TET1: variants seen among roughly 807,000 people sequenced by gnomAD.
TET1 encodes methylcytosine dioxygenase TET1.
TET1 carries 13 observed loss-of-function variants against 148.7 expected under a neutral mutation model. That is an observed-to-expected ratio of 0.09 (90% CI 0.06 to 0.14). TET1 has a LOEUF of 0.14. Among genes scored for constraint, TET1 ranks in the 10% least tolerant of loss-of-function variants. The probability of loss-of-function intolerance (pLI) is 1.00; values close to 1 mark genes in which losing one functional copy is unlikely to be tolerated. For synonymous variants in TET1, 907 were observed against 937.2 expected (o/e 0.97, Z 0.59); for missense variants, 2,182 against 2,553.8 (o/e 0.85, Z 3.14).
At chr10:68,682,161 C>T (rs1318710141) in intron 9 of TET1, among the ~76,000 whole-genome samples, 3 of 112,036 alleles carry the variant, frequency 2.7e-5, no homozygotes, top group South Asian at 3.2e-4. Flanking sequence ...AGTGCTGTGG[C>T]GCAATCTCAG....
intron 2 of TET1, among the ~76,000 whole-genome samples, chr10:68,580,163 G>C (rs533650479): frequency 2.0e-5 from 3 of 151,444 alleles, no homozygotes; most frequent in Non-Finnish European, 4.4e-5. Context: ...CCTCTCCTCA[G>C]GTGATCCACC....
At chr10:68,656,763 C>T (rs1428121404) in intron 6 of TET1, among the ~76,000 whole-genome samples, 8 of 152,098 alleles carry the variant, frequency 5.3e-5, no homozygotes, top group African/African-American at 1.7e-4. Flanking sequence ...AGGTGGCTCA[C>T]GCCTGTAATC....
chr10:68,630,689 C>A (rs1034510872), intron 3 of TET1, among the ~76,000 whole-genome samples: 1 of 152,090 alleles, frequency 6.6e-6, no homozygotes, highest in Non-Finnish European at 1.5e-5. Flanking sequence ...GGAGAAAGAT[C>A]TTGTCTTGAT....
At chr10:68,631,937 T>C (rs906963075) in intron 3 of TET1, among the ~76,000 whole-genome samples, 1 of 151,686 alleles carries the variant, frequency 6.6e-6, no homozygotes, top group African/African-American at 2.4e-5. Flanking sequence ...CTGATGGCCT[T>C]CTGCTTGGAG....
intron 1 of TET1, among the ~76,000 whole-genome samples, chr10:68,566,805 C>G (rs921039388): frequency 6.9e-6 from 1 of 144,520 alleles, no homozygotes. Context: ...ATAACTACCA[C>G]TTATTTTCTC....
intron 11 of TET1, among the ~76,000 whole-genome samples, chr10:68,690,434 T>C (rs998832517): frequency 6.6e-6 from 1 of 152,094 alleles, no homozygotes; most frequent in Admixed American, 6.6e-5. Flanking sequence ...GGTGAAACCC[T>C]GTCTCTACTA....
chr10:68,657,237 C>T (rs976421466), intron 6 of TET1, among the ~76,000 whole-genome samples: 8 of 151,818 alleles, frequency 5.3e-5, no homozygotes, highest in Non-Finnish European at 8.8e-5. Flanking sequence ...AGTGCAGTGG[C>T]GTGATCTCGG....
intron 3 of TET1, among the ~76,000 whole-genome samples, chr10:68,618,724 A>C (rs1188182205): frequency 6.6e-6 from 1 of 152,266 alleles, no homozygotes; most frequent in East Asian, 1.9e-4. Context: ...TCCTATGTAC[A>C]ACTGATAATC....
intron 3 of TET1, among the ~76,000 whole-genome samples, chr10:68,616,443 A>G (rs537274406): frequency 2.0e-5 from 3 of 152,366 alleles, no homozygotes; most frequent in East Asian, 1.9e-4. Context: ...ACACATGTCA[A>G]TTTGTGACCT....
intron 11 of TET1, among the ~76,000 whole-genome samples, chr10:68,688,167 G>T (rs2055540883): frequency 2.0e-5 from 3 of 151,976 alleles, no homozygotes; most frequent in African/African-American, 7.3e-5. Flanking sequence ...CACCATCTTG[G>T]CTCACTGTAA....
intron 3 of TET1, among the ~76,000 whole-genome samples, chr10:68,642,636 C>T (rs2054775172): frequency 6.6e-6 from 1 of 151,942 alleles, no homozygotes; most frequent in Non-Finnish European, 1.5e-5. Context: ...TGGAGTTTCA[C>T]TCCTATTGCC....
At chr10:68,652,457 T>C (rs1468189190) in intron 5 of TET1, 44 bp from the exon 6 acceptor site, 3 of 1,412,428 alleles carry the variant, frequency 2.1e-6, no homozygotes, top group East Asian at 2.3e-5. Context: ...CAAGTACAGA[T>C]TGCAATTAAT....
At chr10:68,613,735 G>C (rs531391338) in intron 3 of TET1, among the ~76,000 whole-genome samples, 2 of 152,076 alleles carry the variant, frequency 1.3e-5, no homozygotes, top group Non-Finnish European at 2.9e-5. Flanking sequence ...TCAGGAGTTC[G>C]AGACCAGCCT....
chr10:68,622,182 CTT>C (rs2054381814), intron 3 of TET1, among the ~76,000 whole-genome samples: 1 of 101,632 alleles, frequency 9.8e-6, no homozygotes, highest in Non-Finnish European at 2.0e-5. Flanking sequence ...TCCTTCCTTC[CTT>C]CCTTCCTTCC....
At position 68,686,655 on chromosome 10, in the gene TET1, G is replaced by T. The variant is rs1454252323; in HGVS notation, c.5352G>T (p.Lys1784Asn). The part of the protein sequence containing the change: ...EKKPIPRIKR[K>N]NNSTTTNNSK... ...AACCTATTCCCCGAATCAAGCGGAA[G>T]AATAACTCAACAACAACAAACAACA... Residue 1784 changes from lysine (K) to asparagine (N), a missense_variant, in exon 11 of 12, where the codon AAG (lysine) becomes AAT (asparagine). Physicochemically the swap from Lys to Asn is moderately conservative, Grantham distance 94. Around this residue, in one of 11 missense-constraint regions of TET1, gnomAD observed 380 missense variants for 387.9 expected, o/e 0.98. Transcript: ENST00000373644. 9 of 1,614,136 alleles carry T rather than the reference G, an allele frequency of 5.6e-6. No homozygotes were observed. Among genetic ancestry groups the T allele is most frequent in the Admixed American group, 1.7e-5 (1 of 59,998 alleles).
chr10:68,689,719 C>T (rs1481187923), intron 11 of TET1, among the ~76,000 whole-genome samples: 2 of 151,276 alleles, frequency 1.3e-5, no homozygotes, highest in African/African-American at 4.9e-5. Flanking sequence ...GCAGAAATTG[C>T]AGTGAGCCAG....
Position 68,572,331 on chromosome 10 carries a change from C to T in TET1, c.-8C>T. On this transcript the variant is annotated 5_prime_UTR_variant, in exon 2 of 12. Transcript: ENST00000373644. ...CTGCGCCCTTTCATTTTTTCCTACT[C>T]TGTAGCTATGTCTCGATCCCGCCAT... The T allele has an allele frequency of 6.3e-7, 1 of 1,587,800 alleles. No individual in the cohort carries two copies. Among genetic ancestry groups the T allele is most frequent in the African/African-American group, 1.4e-5 (1 of 72,994 alleles).
rs7475579 is a variant in TET1, at chr10:68,612,345, C to T, written c.1968+11311C>T. Among the ~76,000 whole-genome samples, 6 of 152,104 alleles carry T rather than the reference C, an allele frequency of 3.9e-5. No individual in the cohort carries two copies. The East Asian group carries it at 1.2e-3, about 30-fold the overall frequency. Reference sequence around the variant, plus strand: ...CCTCAGGTGATCCACCAGCCTCAGCCTTCCAAAGTGGTGAGATTACCAGCA... The same window carrying T: ...CCTCAGGTGATCCACCAGCCTCAGCTTTCCAAAGTGGTGAGATTACCAGCA... On this transcript the variant is annotated intron_variant, in intron 3 of 11. Transcript: ENST00000373644.
intron 2 of TET1, among the ~76,000 whole-genome samples, chr10:68,599,267 A>G (rs569387521): frequency 6.6e-5 from 10 of 152,300 alleles, no homozygotes; most frequent in East Asian, 1.9e-4. Flanking sequence ...CCTCCTGCCA[A>G]TCCCCGAAAT....
Sources: gnomAD v4.1 joint callset for allele counts (sites outside exome capture counted in the v4.1 genomes callset) on GRCh38, gnomAD v4.1.1 for gene constraint, gnomAD v4.1.1 regional missense constraint, MANE v1.5 for transcripts, NCBI Gene and HGNC (gene_info 2026-07-23, HGNC 2026-07-21) for gene names.